CTNNBL1: variants seen among roughly 807,000 people sequenced by gnomAD.
CTNNBL1 encodes catenin beta like 1, also known as beta-catenin-like protein 1.
A neutral mutation model predicts 72.7 loss-of-function variants in CTNNBL1; 31 were observed. That is an observed-to-expected ratio of 0.43 (90% confidence interval 0.32 to 0.58). CTNNBL1 has a LOEUF of 0.58. Among genes scored for constraint, CTNNBL1 ranks in the 20% least tolerant of loss-of-function variants. The pLI is 0.08. For synonymous variants in CTNNBL1, 240 were observed against 267.3 expected, an observed-to-expected ratio of 0.90 and a Z score of 1.00; for missense variants, 534 against 725.1, an observed-to-expected ratio of 0.74 and a Z score of 3.03.
intron 11 of CTNNBL1, among the ~76,000 whole-genome samples, chr20:37,805,125 G>A (rs557167923): frequency 7.2e-5 from 11 of 152,370 alleles, no homozygotes; most frequent in East Asian, 5.8e-4. Context: ...AGAGCAGTGC[G>A]CACTGTGCAG....
At chr20:37,867,824 A>C (rs961998106) in intron 15 of CTNNBL1, among the ~76,000 whole-genome samples, 3 of 152,222 alleles carry the variant, frequency 2.0e-5, no homozygotes, top group African/African-American at 7.2e-5. Context: ...AGCTGGCACC[A>C]CCAAGATTTG....
chr20:37,813,010 A>T (rs186074359), intron 11 of CTNNBL1, among the ~76,000 whole-genome samples: 7 of 151,996 alleles, frequency 4.6e-5, no homozygotes, highest in Admixed American at 1.3e-4. Context: ...AAAAAGCAGC[A>T]TGTATTAAAA....
At chr20:37,730,545 C>G (rs2073120006) in intron 1 of CTNNBL1, among the ~76,000 whole-genome samples, 1 of 152,194 alleles carries the variant, frequency 6.6e-6, no homozygotes, top group African/African-American at 2.4e-5. Flanking sequence ...GTAAGTTGAG[C>G]TGAATGGAGA....
chr20:37,719,380 C>G (rs2073020748), intron 1 of CTNNBL1, among the ~76,000 whole-genome samples: 1 of 152,240 alleles, frequency 6.6e-6, no homozygotes, highest in Non-Finnish European at 1.5e-5. Context: ...GATGCCCCAT[C>G]CATGGTCCCT....
chr20:37,694,042 A>G lies in CTNNBL1; in HGVS notation c.-81A>G. The G allele has an allele frequency of 6.7e-7, 1 of 1,493,006 alleles. No homozygotes were observed. The highest frequency in any genetic ancestry group is 9.2e-7 in the Non-Finnish European group (1 of 1,087,200). 92.5% of individuals were successfully genotyped at this position (1,493,006 alleles called of 1,614,324 possible). On this transcript the variant is annotated 5_prime_UTR_variant, in exon 1 of 16. Transcript: ENST00000361383. ...GGCTCCGCTCGCCGCACTTTACGGC[A>G]GTGTGGCTGGAGCCGCGGCTGACGG...
chr20:37,802,489 A>C (rs943519961), intron 10 of CTNNBL1, among the ~76,000 whole-genome samples: 1 of 152,224 alleles, frequency 6.6e-6, no homozygotes, highest in African/African-American at 2.4e-5. Context: ...AACTGGTAGA[A>C]ATTGTATAGT....
intron 1 of CTNNBL1, among the ~76,000 whole-genome samples, chr20:37,695,589 G>A (rs930562804): frequency 1.2e-4 from 19 of 152,134 alleles, no homozygotes; most frequent in Non-Finnish European, 2.6e-4. Context: ...ATATAGTTCA[G>A]CTTATATTTT....
intron 10 of CTNNBL1, among the ~76,000 whole-genome samples, chr20:37,779,716 T>G (rs1182688867): frequency 6.6e-6 from 1 of 152,158 alleles, no homozygotes; most frequent in Non-Finnish European, 1.5e-5. Context: ...TGCCATATGT[T>G]TGTATTTTTA....
chr20:37,718,262 C>T lies in CTNNBL1; in HGVS notation c.31-14617C>T, dbSNP rs1343618976. ...CTGACCCCCCCACCTCCCTCCCGGA[C>T]GGGGTGGCTGGCCGGGCGGGGGGCT... On this transcript the variant is annotated intron_variant, in intron 1 of 15. Coordinates refer to ENST00000361383, the MANE Select transcript of CTNNBL1 (RefSeq NM_030877.5). Among the ~76,000 whole-genome samples, 118 of 128,988 alleles carry T rather than the reference C, an allele frequency of 9.1e-4. No individual in the cohort carries two copies. In the Middle Eastern group the frequency reaches 0.015, roughly 17 times the overall value. 84.6% of individuals were successfully genotyped at this position (128,988 alleles called of 152,430 possible).
At chr20:37,808,095 A>G (rs1163826687) in intron 11 of CTNNBL1, among the ~76,000 whole-genome samples, 1 of 152,232 alleles carries the variant, frequency 6.6e-6, no homozygotes, top group East Asian at 1.9e-4. Flanking sequence ...AGGGTGAGCC[A>G]CCGAGCAGCA....
chr20:37,712,155 C>T (rs2072943878), intron 1 of CTNNBL1, among the ~76,000 whole-genome samples: 1 of 152,180 alleles, frequency 6.6e-6, no homozygotes, highest in African/African-American at 2.4e-5. Flanking sequence ...TCACAATCTC[C>T]ACTTCTAAAC....
chr20:37,698,348 G>A lies in CTNNBL1; in HGVS notation c.30+4196G>A, dbSNP rs117488112. Among the ~76,000 whole-genome samples the A allele has an allele frequency of 2.1e-3, 320 of 152,312 alleles. 1 individual carries two copies. Among genetic ancestry groups the A allele is most frequent in the Non-Finnish European group, 4.0e-3 (275 of 68,018 alleles). On this transcript the variant is annotated intron_variant, in intron 1 of 15. Coordinates refer to ENST00000361383, the MANE Select transcript of CTNNBL1 (RefSeq NM_030877.5). ...TCCCCATCGCAGGTTCCCCACTTTG[G>A]TTAATTGGCCGGCTAGAACCATTCG...
chr20:37,859,966 A>G lies in CTNNBL1; in HGVS notation c.1460A>G (p.Asp487Gly), dbSNP rs1281019391. 3 of 1,614,172 alleles carry G rather than the reference A, an allele frequency of 1.9e-6. No homozygotes were observed. Among genetic ancestry groups the G allele is most frequent in the East Asian group, 2.2e-5 (1 of 44,886 alleles). Residue 487 changes from aspartate to glycine, a missense_variant, in exon 14 of 16, where the codon GAT (aspartate) becomes GGT (glycine). By Grantham distance (94) the Asp-to-Gly change is moderately conservative. Coordinates refer to ENST00000361383, the MANE Select transcript of CTNNBL1 (RefSeq NM_030877.5). ...GAGGAGTTCTACCTCCGGCGCCTGG[A>G]TGCGGGGCTCTTTGTTCTCCAGCAC... ...TEEEFYLRRLDAGLFVLQHIC... is the reference protein window; with the variant it reads ...TEEEFYLRRLGAGLFVLQHIC...
At chr20:37,749,241 C>T (rs2073296187) in intron 4 of CTNNBL1, among the ~76,000 whole-genome samples, 1 of 152,172 alleles carries the variant, frequency 6.6e-6, no homozygotes, top group Non-Finnish European at 1.5e-5. Flanking sequence ...ATTATTAGTA[C>T]AGAAATGACT....
At chr20:37,818,880 T>C (rs768670905) in intron 11 of CTNNBL1, among the ~76,000 whole-genome samples, 1 of 152,230 alleles carries the variant, frequency 6.6e-6, no homozygotes, top group African/African-American at 2.4e-5. Flanking sequence ...TGGACTAGCT[T>C]TGTGTAACTG....
intron 10 of CTNNBL1, among the ~76,000 whole-genome samples, chr20:37,786,039 C>T (rs1463361051): frequency 6.6e-6 from 1 of 152,170 alleles, no homozygotes; most frequent in Non-Finnish European, 1.5e-5. Context: ...TGGGTAAAAT[C>T]GAAGAGAATT....
At chr20:37,817,030 T>A (rs2072066182) in intron 11 of CTNNBL1, among the ~76,000 whole-genome samples, 1 of 152,200 alleles carries the variant, frequency 6.6e-6, no homozygotes, top group South Asian at 2.1e-4. Context: ...GTATACATGA[T>A]GTCATTATCC....
intron 1 of CTNNBL1, among the ~76,000 whole-genome samples, chr20:37,723,476 ACT>A (rs2073058894): frequency 2.0e-5 from 3 of 152,050 alleles, no homozygotes; most frequent in South Asian, 4.2e-4. Context: ...TTTTGCAAAG[ACT>A]CTGCTTTGGG....
chr20:37,822,210 A>G (rs112003209), intron 11 of CTNNBL1, among the ~76,000 whole-genome samples: 2,011 of 152,308 alleles, frequency 0.013, 48 homozygotes, highest in African/African-American at 0.047. Context: ...GCCTAGGAGC[A>G]GGAAGAATTC....
Sources: allele counts gnomAD v4.1 joint callset (sites outside exome capture counted in the v4.1 genomes callset), GRCh38; gene constraint gnomAD v4.1.1; transcripts MANE v1.5; gene names NCBI Gene and HGNC (gene_info 2026-07-23, HGNC 2026-07-21).